Variants in DOCK1 observed in about 807,000 individuals in gnomAD.
The protein encoded by DOCK1 is dedicator of cytokinesis protein 1.
A neutral mutation model predicts 262.7 loss-of-function variants in DOCK1; 138 were observed. That is an observed-to-expected ratio of 0.53 (90% CI 0.46 to 0.61). The LOEUF (loss-of-function observed/expected upper bound fraction) is 0.61, where lower values mean the gene tolerates loss of function less well. DOCK1 is among the 20% of genes least tolerant of loss of function. DOCK1 has a pLI of 0.00. For synonymous variants in DOCK1, 866 were observed against 867.4 expected (o/e 1.00, Z 0.03); for missense variants, 1,908 against 2,370.7 (o/e 0.80, Z 4.05).
intron 13 of DOCK1, among the ~76,000 whole-genome samples, chr10:127,021,389 TC>T (rs2042411624): frequency 6.6e-6 from 1 of 152,154 alleles, no homozygotes. Context: ...GGTCTCAAAC[TC>T]CCGAGCTCAG....
intron 29 of DOCK1, among the ~76,000 whole-genome samples, chr10:127,311,874 A>AT (rs964547115): frequency 3.3e-5 from 5 of 150,816 alleles, no homozygotes; most frequent in African/African-American, 4.9e-5. Flanking sequence ...TTTTATTTTT[A>AT]TTTTTTTTGA....
intron 29 of DOCK1, among the ~76,000 whole-genome samples, chr10:127,286,501 T>A (rs1043313230): frequency 6.6e-6 from 1 of 152,170 alleles, no homozygotes; most frequent in Non-Finnish European, 1.5e-5. Flanking sequence ...GTTATACTAT[T>A]ACTATTATAT....
chr10:127,184,591 G>A (rs1169153311), intron 27 of DOCK1, among the ~76,000 whole-genome samples: 2 of 150,910 alleles, frequency 1.3e-5, no homozygotes, highest in East Asian at 4.0e-4. Context: ...CTTCCAAAGA[G>A]TCTCTTATTA....
At chr10:127,073,913 AG>A (rs2046372108) in intron 23 of DOCK1, among the ~76,000 whole-genome samples, 1 of 152,340 alleles carries the variant, frequency 6.6e-6, no homozygotes, top group South Asian at 2.1e-4. Context: ...GGTGATGGAA[AG>A]GGTAGTTAAA....
intron 33 of DOCK1, among the ~76,000 whole-genome samples, chr10:127,371,835 A>G (rs772659102): frequency 9.2e-5 from 14 of 152,200 alleles, no homozygotes; most frequent in Non-Finnish European, 1.3e-4. Flanking sequence ...TGTGATTCCA[A>G]AAAGAACTAC....
chr10:126,914,508 T>A (rs1044209815), intron 1 of DOCK1, among the ~76,000 whole-genome samples: 1 of 152,138 alleles, frequency 6.6e-6, no homozygotes, highest in Non-Finnish European at 1.5e-5. Context: ...GCTCAAGTGA[T>A]CCTCCAACCC....
intron 19 of DOCK1, among the ~76,000 whole-genome samples, chr10:127,039,058 C>T (rs58652460): frequency 0.21 from 31,807 of 152,088 alleles, 3,461 homozygotes; most frequent in East Asian, 0.28. Context: ...TCTGTAAAAA[C>T]TAATTACTTA....
chr10:126,906,859 T>TCCTGGGACAGC (rs1244610398), intron 1 of DOCK1, among the ~76,000 whole-genome samples: 1 of 152,180 alleles, frequency 6.6e-6, no homozygotes, highest in Non-Finnish European at 1.5e-5. Flanking sequence ...ACGGGGACAG[T>TCCTGGGACAGC]CCTGGGACAG....
intron 25 of DOCK1, among the ~76,000 whole-genome samples, chr10:127,115,976 CTTAG>C (rs1260652681): frequency 7.9e-5 from 12 of 152,188 alleles, no homozygotes; most frequent in Non-Finnish European, 1.3e-4. Context: ...TTTGTCCTCA[CTTAG>C]TTTGTTTTGG....
At chr10:127,436,389 A>G (rs932559300) in intron 48 of DOCK1, among the ~76,000 whole-genome samples, 1 of 152,142 alleles carries the variant, frequency 6.6e-6, no homozygotes, top group African/African-American at 2.4e-5. Context: ...GTGGTGGTGC[A>G]TGCCTGTAGT....
chr10:127,289,064 G>T (rs2061261356), intron 29 of DOCK1, among the ~76,000 whole-genome samples: 1 of 151,484 alleles, frequency 6.6e-6, no homozygotes, highest in Admixed American at 6.6e-5. Context: ...TTTCACTTCT[G>T]CCCCTACCTT....
chr10:127,125,340 C>T, intron 25 of DOCK1, 134 bp from the exon 26 acceptor site: 1 of 1,207,588 alleles, frequency 8.3e-7, no homozygotes, highest in Non-Finnish European at 1.2e-6. Context: ...AGTAATTGAC[C>T]CCCCTCCAGA....
At chr10:126,942,961 AAAAC>A (rs1591384502) in intron 1 of DOCK1, among the ~76,000 whole-genome samples, 2 of 152,312 alleles carry the variant, frequency 1.3e-5, no homozygotes, top group South Asian at 2.1e-4. Flanking sequence ...ATGATCATTA[AAAAC>A]AAACAAATAG....
intron 22 of DOCK1, among the ~76,000 whole-genome samples, chr10:127,057,958 A>G (rs1211610748): frequency 6.6e-6 from 1 of 152,110 alleles, no homozygotes; most frequent in African/African-American, 2.4e-5. Flanking sequence ...TCATCTGTTT[A>G]TTTATCGATA....
chr10:127,176,347 C>T lies in DOCK1; in HGVS notation c.2847+48583C>T, dbSNP rs1370658020. On this transcript the variant is annotated intron_variant, in intron 27 of 51. Coordinates refer to ENST00000623213, the MANE Select transcript of DOCK1 (RefSeq NM_001290223.2). The surrounding 1 kb of genome is among the most constrained non-coding windows in gnomAD (Gnocchi z 4.4). ...GCCAGGCAGGCGGCGGGTTCCACTT[C>T]ACTCTCCGACGTTGTGAGTATGCAT... 6.2e-6 allele frequency: 10 copies of T among 1,613,544 alleles called. No individual in the cohort carries two copies. Among genetic ancestry groups the T allele is most frequent in the Non-Finnish European group, 8.5e-6 (10 of 1,179,906 alleles).
At chr10:127,211,862 T>C (rs1209184955) in intron 27 of DOCK1, among the ~76,000 whole-genome samples, 1 of 152,188 alleles carries the variant, frequency 6.6e-6, no homozygotes, top group Non-Finnish European at 1.5e-5. Context: ...TGCTGGACTC[T>C]TGCAAATCAT....
chr10:127,334,108 C>T (rs2063097996), intron 29 of DOCK1, among the ~76,000 whole-genome samples: 1 of 151,958 alleles, frequency 6.6e-6, no homozygotes, highest in East Asian at 1.9e-4. Context: ...TGTTGTGATA[C>T]ATGCATTCAT....
At chr10:126,973,336 C>T (rs117722122) in intron 2 of DOCK1, among the ~76,000 whole-genome samples, 6,965 of 151,810 alleles carry the variant, frequency 0.046, 198 homozygotes, top group Non-Finnish European at 0.06. Context: ...TCAAGGGATT[C>T]TCCTGCCTCA....
intron 27 of DOCK1, among the ~76,000 whole-genome samples, chr10:127,216,653 A>G (rs1341869136): frequency 6.6e-6 from 1 of 152,108 alleles, no homozygotes; most frequent in Non-Finnish European, 1.5e-5. Context: ...CTCAATAATA[A>G]TAGTAATGCA....
Sources: allele counts gnomAD v4.1 joint callset (sites outside exome capture counted in the v4.1 genomes callset), GRCh38; gene constraint gnomAD v4.1.1; non-coding constraint Gnocchi (gnomAD v3.1); transcripts MANE v1.5; gene names NCBI Gene and HGNC (gene_info 2026-07-23, HGNC 2026-07-21).